Variants in CORO2A observed in about 807,000 individuals in gnomAD.
The protein encoded by CORO2A is coronin 2A.
Under a neutral mutation model 62.4 loss-of-function variants are expected in CORO2A, and 47 were observed. That is an observed-to-expected ratio of 0.75 (90% CI 0.60 to 0.96). The LOEUF is 0.96. CORO2A is among the 40% of genes least tolerant of loss of function. The pLI, the probability that CORO2A is intolerant of heterozygous loss-of-function variation, is 0.00. For missense variants in CORO2A, 610 were observed against 684.1 expected (o/e 0.89, Z 1.21); for synonymous variants, 273 against 268.9 (o/e 1.02, Z -0.15).
At chr9:98,142,486 G>C (rs1827583959) in intron 2 of CORO2A, among the ~76,000 whole-genome samples, 1 of 152,224 alleles carries the variant, frequency 6.6e-6, no homozygotes, top group Non-Finnish European at 1.5e-5. Flanking sequence ...GCCATGAGCA[G>C]TACTGTGTCT....
intron 1 of CORO2A, among the ~76,000 whole-genome samples, chr9:98,164,244 G>A (rs1827929267): frequency 6.6e-6 from 1 of 152,234 alleles, no homozygotes; most frequent in East Asian, 1.9e-4. Context: ...AACGCTCTAT[G>A]TGAAGGTGCT....
chr9:98,135,761 G>A (rs1263477460), intron 3 of CORO2A, among the ~76,000 whole-genome samples: 1 of 152,152 alleles, frequency 6.6e-6, no homozygotes, highest in East Asian at 1.9e-4. Flanking sequence ...TCAGGTAGAC[G>A]ACTTTGCTTT....
rs199562357 is a variant in CORO2A, at chr9:98,137,528, C to T, written c.318+44G>A. ...ACCATTCCACCCCAACCACCCCAATCCCACTCTTCAGGAAGGGGAAGCCCC... is the reference window on the plus strand; with the variant it reads ...ACCATTCCACCCCAACCACCCCAATTCCACTCTTCAGGAAGGGGAAGCCCC... On this transcript the variant is annotated intron_variant, in intron 3 of 11. Coordinates refer to ENST00000375077, the MANE Select transcript of CORO2A (RefSeq NM_052820.4). 64 of 1,518,224 alleles carry T rather than the reference C, an allele frequency of 4.2e-5. No homozygotes were observed. The South Asian group carries it at 7.0e-4, about 16-fold the overall frequency. The allele number at this position is 1,518,224 out of a possible 1,614,324, so 94.0% of individuals were successfully genotyped here.
chr9:98,142,471 C>A (rs1182522294), intron 2 of CORO2A, among the ~76,000 whole-genome samples: 1 of 152,178 alleles, frequency 6.6e-6, no homozygotes, highest in African/African-American at 2.4e-5. Flanking sequence ...TTTCCTGGGT[C>A]AAAGGCCATG....
intron 7 of CORO2A, 76 bp from the exon 8 acceptor site, chr9:98,129,966 C>A: frequency 1.8e-6 from 2 of 1,126,366 alleles, no homozygotes; most frequent in Non-Finnish European, 1.3e-6. Context: ...CCCAGCCATG[C>A]AGCAAAGACC....
intron 1 of CORO2A, among the ~76,000 whole-genome samples, chr9:98,179,227 T>C (rs1828146418): frequency 6.6e-6 from 1 of 152,158 alleles, no homozygotes; most frequent in African/African-American, 2.4e-5. Flanking sequence ...AGGTCCTACT[T>C]GAGTGTCTGA....
chr9:98,153,265 A>G (rs1827752268), intron 2 of CORO2A, among the ~76,000 whole-genome samples: 1 of 151,854 alleles, frequency 6.6e-6, no homozygotes, highest in Admixed American at 6.6e-5. Context: ...ACACCTGGCT[A>G]ATTTTTTGTG....
Position 98,157,777 on chromosome 9 carries a change from C to T in CORO2A, c.1-117G>A, listed in dbSNP as rs2231657. ...ACGAGCAGGACAGTGGTCAGTTCAA[C>T]GTGGACGGTGATGCACTGTGAAGGG... On this transcript the variant is annotated intron_variant, in intron 1 of 11. Coordinates refer to ENST00000375077, the MANE Select transcript of CORO2A (RefSeq NM_052820.4). 4.5e-5 allele frequency: 41 copies of T among 908,462 alleles called. 1 individual carries two copies. The highest frequency in any genetic ancestry group is 7.1e-4 in the Middle Eastern group (2 of 2,800). 56.3% of individuals were successfully genotyped at this position (908,462 alleles called of 1,614,324 possible). A position where few individuals can be genotyped will look rare whatever the true frequency, so the allele number is the denominator to read the frequency against.
chr9:98,138,775 G>A (rs920157500), intron 2 of CORO2A, among the ~76,000 whole-genome samples: 1 of 152,202 alleles, frequency 6.6e-6, no homozygotes, highest in African/African-American at 2.4e-5. Context: ...CGGGCTGGGC[G>A]CGGTGGCTCA....
At chr9:98,172,323 A>C (rs1369187345) in intron 1 of CORO2A, among the ~76,000 whole-genome samples, 2 of 34,526 alleles carry the variant, frequency 5.8e-5, no homozygotes, top group Non-Finnish European at 1.1e-4. Context: ...CCCACACCCC[A>C]CTTCCAAGCT....
chr9:98,128,579 C>A, intron 9 of CORO2A, 28 bp downstream of exon 9: 1 of 1,595,218 alleles, frequency 6.3e-7, no homozygotes, highest in East Asian at 2.2e-5. Context: ...TCCCCACCTG[C>A]CTCCCATGCG....
At chr9:98,170,864 G>A (rs1828025075) in intron 1 of CORO2A, among the ~76,000 whole-genome samples, 1 of 152,130 alleles carries the variant, frequency 6.6e-6, no homozygotes, top group Non-Finnish European at 1.5e-5. Flanking sequence ...CTGTTAGGAC[G>A]GTCTGTGGAG....
chr9:98,178,055 CA>C (rs1262354516), intron 1 of CORO2A, among the ~76,000 whole-genome samples: 1 of 151,886 alleles, frequency 6.6e-6, no homozygotes, highest in African/African-American at 2.4e-5. Flanking sequence ...TTATTAAAAA[CA>C]TTTTTTTAGA....
chr9:98,139,541 C>G (rs1234650619), intron 2 of CORO2A, among the ~76,000 whole-genome samples: 1 of 152,214 alleles, frequency 6.6e-6, no homozygotes, highest in African/African-American at 2.4e-5. Flanking sequence ...GCAGGAGAAT[C>G]ACTCGAACCC....
Position 98,140,148 on chromosome 9 carries a change from G to C in CORO2A, c.202-2460C>G, listed in dbSNP as rs185588963. On this transcript the variant is annotated intron_variant, in intron 2 of 11. Coordinates refer to ENST00000375077, the MANE Select transcript of CORO2A (RefSeq NM_052820.4). ...ATCCACCATCTAGTTCCAGGTTCTT[G>C]AGCCACCCACCAGAATGCTCCCCCA... 2.6e-5 allele frequency among the ~76,000 whole-genome samples: 4 copies of C among 152,232 alleles called. No homozygotes were observed. In the East Asian group the frequency reaches 7.7e-4, roughly 29 times the overall value.
chr9:98,186,066 C>T (rs1246134371), intron 1 of CORO2A, among the ~76,000 whole-genome samples: 1 of 152,228 alleles, frequency 6.6e-6, no homozygotes, highest in Non-Finnish European at 1.5e-5. Flanking sequence ...CAGGGTCATG[C>T]CATTTGCCAG....
intron 1 of CORO2A, among the ~76,000 whole-genome samples, chr9:98,161,324 T>C (rs988326830): frequency 3.3e-5 from 5 of 151,826 alleles, no homozygotes; most frequent in Non-Finnish European, 7.4e-5. Flanking sequence ...GAGGCTGAGG[T>C]GGGGGGATCA....
rs375892568 is a variant in CORO2A, at chr9:98,151,963, C to T, written c.201+5497G>A. Among the ~76,000 whole-genome samples, 273 of 150,328 alleles carry T rather than the reference C, an allele frequency of 1.8e-3. 3 individuals carry two copies. In the East Asian group the frequency reaches 0.041, roughly 23 times the overall value. On this transcript the variant is annotated intron_variant, in intron 2 of 11. Transcript: ENST00000375077. The stretch of plus-strand genomic sequence containing the variant: ...TCCCATGTAGCTGGGACCACAGGCG[C>T]ACGCCACCATGCCCGGCTAATTTTT...
At chr9:98,128,524 G>T in intron 9 of CORO2A, 83 bp downstream of exon 9, 1 of 1,246,912 alleles carries the variant, frequency 8.0e-7, no homozygotes, top group Non-Finnish European at 1.2e-6. Flanking sequence ...TGGGCTCCAG[G>T]CTCTGGTGCC....
Sources: gnomAD v4.1 joint callset for allele counts (sites outside exome capture counted in the v4.1 genomes callset) on GRCh38, gnomAD v4.1.1 for gene constraint, MANE v1.5 for transcripts, NCBI Gene and HGNC (gene_info 2026-07-23, HGNC 2026-07-21) for gene names.